The following FNDC1 variants were observed in gnomAD, a reference collection of about 807,000 sequenced individuals.
FNDC1 encodes fibronectin type III domain containing 1.
FNDC1 carries 96 observed loss-of-function variants against 168.0 expected under a neutral mutation model. That is an observed-to-expected ratio of 0.57 (90% CI 0.48 to 0.68). FNDC1 has a LOEUF of 0.68. Among genes scored for constraint, FNDC1 ranks in the 30% least tolerant of loss-of-function variants. The pLI, the probability that FNDC1 is intolerant of heterozygous loss-of-function variation, is 0.00. For missense variants in FNDC1, 2,587 were observed against 2,482.1 expected (o/e 1.04, Z -0.90); for synonymous variants, 1,099 against 1,025.9 (o/e 1.07, Z -1.36).
At chr6:159,175,979 C>G (rs1781752074) in intron 1 of FNDC1, among the ~76,000 whole-genome samples, 1 of 152,226 alleles carries the variant, frequency 6.6e-6, no homozygotes, top group Non-Finnish European at 1.5e-5. Context: ...CCCTACATCT[C>G]ACAGAGGTGG....
At chr6:159,225,859 G>A (rs369616567) in intron 8 of FNDC1, 137 bp downstream of exon 8, 2 of 778,012 alleles carry the variant, frequency 2.6e-6, no homozygotes, top group African/African-American at 3.5e-5. Flanking sequence ...CTAAATTTTG[G>A]TAGAGTTTCT....
chr6:159,196,626 G>A (rs1356167868), intron 1 of FNDC1, among the ~76,000 whole-genome samples: 3 of 152,244 alleles, frequency 2.0e-5, no homozygotes, highest in Non-Finnish European at 4.4e-5. Flanking sequence ...GTCAGTTTCA[G>A]TTCCAGGTTT....
At position 159,214,941 on chromosome 6, in the gene FNDC1, T is replaced by C; in HGVS notation, c.461-4T>C. 6.2e-7 allele frequency: 1 copy of C among 1,613,596 alleles called. No individual in the cohort carries two copies. Among genetic ancestry groups the C allele is most frequent in the Non-Finnish European group, 8.5e-7 (1 of 1,179,734 alleles). On this transcript the variant is annotated splice_region_variant and splice_polypyrimidine_tract_variant and intron_variant, in intron 4 of 22. Coordinates refer to ENST00000297267, the MANE Select transcript of FNDC1 (RefSeq NM_032532.3). The stretch of plus-strand genomic sequence containing the variant: ...AACCACTTTTGTGTCCTGCCCTCTT[T>C]AAGAAAAGGAAGTGCCCAACAAGCC...
At chr6:159,184,575 A>G (rs1386280813) in intron 1 of FNDC1, among the ~76,000 whole-genome samples, 1 of 152,096 alleles carries the variant, frequency 6.6e-6, no homozygotes, top group Non-Finnish European at 1.5e-5. Flanking sequence ...TGTGTTTCAA[A>G]CCTACCTCTC....
chr6:159,194,074 TTTC>T (rs1460267408), intron 1 of FNDC1, among the ~76,000 whole-genome samples: 2 of 152,248 alleles, frequency 1.3e-5, no homozygotes, highest in East Asian at 1.9e-4. Flanking sequence ...TCTTACTGGC[TTTC>T]TTCTTCTGTC....
chr6:159,174,943 A>T (rs58569200), intron 1 of FNDC1, among the ~76,000 whole-genome samples: 9,705 of 152,272 alleles, frequency 0.064, 1,003 homozygotes, highest in African/African-American at 0.22. Context: ...CAGAGAGGAT[A>T]ATATTACAAT....
chr6:159,212,340 G>C (rs1782622848), intron 4 of FNDC1, among the ~76,000 whole-genome samples: 1 of 152,172 alleles, frequency 6.6e-6, no homozygotes, highest in Non-Finnish European at 1.5e-5. Flanking sequence ...AATTTCAGAA[G>C]GCTTTGGTGA....
intron 1 of FNDC1, among the ~76,000 whole-genome samples, chr6:159,185,774 G>C (rs1583854693): frequency 6.6e-6 from 1 of 152,226 alleles, no homozygotes; most frequent in Admixed American, 6.5e-5. Flanking sequence ...TCATTGGCTA[G>C]AGTTGATCAT....
intron 4 of FNDC1, among the ~76,000 whole-genome samples, chr6:159,209,095 C>A (rs752691709): frequency 9.9e-5 from 15 of 152,178 alleles, no homozygotes; most frequent in Non-Finnish European, 1.6e-4. Flanking sequence ...GATCTGCCTG[C>A]CTCGGCCTCC....
At position 159,234,312 on chromosome 6, in the gene FNDC1, C is replaced by T. The variant is rs199964366; in HGVS notation, c.3800C>T (p.Ala1267Val). The T allele has an allele frequency of 1.7e-4, 276 of 1,608,530 alleles. 1 individual carries two copies. Among genetic ancestry groups the T allele is most frequent in the Non-Finnish European group, 5.1e-6 (6 of 1,177,606 alleles). ...TCCCGACTGCCGCCTCGCAGCGCTG[C>T]CACCGTGAGCCCCGTCGCGGGCACC... ...VPSRLPPRSA[A>V]TVSPVAGTHP... Residue 1267 changes from alanine (A) to valine (V), a missense_variant, in exon 11 of 23, where the codon GCC becomes GTC. Coordinates refer to ENST00000297267, the MANE Select transcript of FNDC1 (RefSeq NM_032532.3).
chr6:159,229,228 T>C (rs1783028636), intron 9 of FNDC1, among the ~76,000 whole-genome samples: 1 of 152,224 alleles, frequency 6.6e-6, no homozygotes, highest in African/African-American at 2.4e-5. Flanking sequence ...ATAAATCTAT[T>C]ACTTAACAAC....
chr6:159,170,135 C>T (rs899933693), intron 1 of FNDC1: 2 of 152,310 alleles, frequency 1.3e-5, no homozygotes, highest in African/African-American at 2.4e-5. Context: ...CTCGGGAGAC[C>T]GGAGGGAGGC....
chr6:159,172,122 AT>A (rs994455580), intron 1 of FNDC1, among the ~76,000 whole-genome samples: 32 of 152,328 alleles, frequency 2.1e-4, no homozygotes, highest in Non-Finnish European at 4.0e-4. Flanking sequence ...ATTTTACCAA[AT>A]CTTTGTATCT....
intron 17 of FNDC1, among the ~76,000 whole-genome samples, chr6:159,253,235 G>A (rs1188644071): frequency 6.6e-6 from 1 of 152,142 alleles, no homozygotes; most frequent in Non-Finnish European, 1.5e-5. Context: ...CTCCTGTCAA[G>A]CTGATTACTG....
rs1783076989 is a variant in FNDC1 at position 159,231,298 on chromosome 6, C to T, written c.1370-584C>T. 5.4e-5 allele frequency among the ~76,000 whole-genome samples: 2 copies of T among 36,924 alleles called. 1 individual carries two copies. Among genetic ancestry groups the T allele is most frequent in the Non-Finnish European group, 2.7e-4 (2 of 7,374 alleles). The allele number at this position is 36,924 out of a possible 152,430, so 24.2% of individuals were successfully genotyped here. The stretch of plus-strand genomic sequence containing the variant: ...GCTGAGGCAGGAGAATGGCGTGAAC[C>T]CGGGAAGCGGAGCTTGCAGTGAGCC... On this transcript the variant is annotated intron_variant, in intron 10 of 22. Coordinates refer to ENST00000297267, the MANE Select transcript of FNDC1 (RefSeq NM_032532.3).
At chr6:159,246,460 C>T (rs1197922723) in intron 14 of FNDC1, among the ~76,000 whole-genome samples, 1 of 152,184 alleles carries the variant, frequency 6.6e-6, no homozygotes, top group African/African-American at 2.4e-5. Flanking sequence ...CTTTTTGTCA[C>T]CATCCTGAGC....
chr6:159,239,291 C>G (rs1177267922), intron 13 of FNDC1, among the ~76,000 whole-genome samples: 1 of 152,144 alleles, frequency 6.6e-6, no homozygotes, highest in Non-Finnish European at 1.5e-5. Flanking sequence ...ACACTTTTCC[C>G]CCTTAGGCAT....
At chr6:159,209,688 G>A (rs1782557746) in intron 4 of FNDC1, among the ~76,000 whole-genome samples, 1 of 152,216 alleles carries the variant, frequency 6.6e-6, no homozygotes. Flanking sequence ...TTGAAAGTTA[G>A]TGTAAATGCT....
rs149407221 is a variant in FNDC1 at position 159,176,911 on chromosome 6, G to A, written c.109+7206G>A. ...ATAGACCAAATGCCTATATTGTATC[G>A]CCTCCAGTCATATCTCATTTGAAGA... On this transcript the variant is annotated intron_variant, in intron 1 of 22. Coordinates refer to ENST00000297267, the MANE Select transcript of FNDC1 (RefSeq NM_032532.3). 5.1e-3 allele frequency among the ~76,000 whole-genome samples: 773 copies of A among 152,258 alleles called. 9 individuals are homozygous for A. The highest frequency in any genetic ancestry group is 0.018 in the African/African-American group (728 of 41,524).
Sources: gnomAD v4.1 joint callset for allele counts (sites outside exome capture counted in the v4.1 genomes callset) on GRCh38, gnomAD v4.1.1 for gene constraint, MANE v1.5 for transcripts, NCBI Gene and HGNC (gene_info 2026-07-23, HGNC 2026-07-21) for gene names.